The following MTUS2 variants were observed in gnomAD, a reference collection of about 807,000 sequenced individuals.
MTUS2 encodes the protein microtubule-associated tumor suppressor candidate 2.
A neutral mutation model predicts 114.1 loss-of-function variants in MTUS2; 40 were observed. The ratio of observed to expected loss-of-function variants is 0.35; its 90% CI spans 0.27 to 0.46. MTUS2 has a LOEUF of 0.46. Ranked by LOEUF, MTUS2 falls within the 20% of genes least tolerant of loss-of-function variation. MTUS2 has a pLI of 1.00. For synonymous variants in MTUS2, 688 were observed against 672.0 expected (o/e 1.02, Z -0.37); for missense variants, 1,679 against 1,705.4 (o/e 0.98, Z 0.27).
intron 8 of MTUS2, among the ~76,000 whole-genome samples, chr13:29,361,836 C>T (rs1870281808): frequency 6.6e-6 from 1 of 152,174 alleles, no homozygotes; most frequent in Non-Finnish European, 1.5e-5. Context: ...AAGGCCCTGC[C>T]AGAATTCCAT....
chr13:29,204,351 C>G (rs1276250544), intron 5 of MTUS2, among the ~76,000 whole-genome samples: 1 of 152,186 alleles, frequency 6.6e-6, no homozygotes, highest in African/African-American at 2.4e-5. Flanking sequence ...TCATGGTCAC[C>G]AGGCTGCGGA....
intron 2 of MTUS2, among the ~76,000 whole-genome samples, chr13:28,998,510 C>T (rs562982283): frequency 2.6e-4 from 39 of 152,290 alleles, no homozygotes; most frequent in African/African-American, 8.2e-4. Context: ...CCATTCTGCC[C>T]GTCACTTTCA....
intron 2 of MTUS2, among the ~76,000 whole-genome samples, chr13:28,919,345 A>G (rs3011030): frequency 6.6e-6 from 1 of 151,984 alleles, no homozygotes; most frequent in Non-Finnish European, 1.5e-5. Context: ...CAGATATACT[A>G]TTGTAGGGTA....
rs1886470309 is a variant in MTUS2, at chr13:29,025,294, C to G, written c.596C>G (p.Ser199Cys). 6.2e-7 allele frequency: 1 copy of G among 1,613,972 alleles called. No individual in the cohort carries two copies. Among genetic ancestry groups the G allele is most frequent in the African/African-American group, 1.3e-5 (1 of 75,030 alleles). ...SLTPQHPQPL[S>C]LDSREARGQI... Reference sequence around the variant, plus strand: ...ACTCCGCAGCATCCACAGCCTCTATCCCTCGACTCCCGGGAAGCACGGGGT... The same window carrying G: ...ACTCCGCAGCATCCACAGCCTCTATGCCTCGACTCCCGGGAAGCACGGGGT... The change falls in exon 3 of 16, where the codon TCC becomes TGC. Residue 199 changes from serine (S) to cysteine (C), a missense_variant. Transcript: ENST00000612955.
chr13:28,993,113 C>T (rs1165903488), intron 2 of MTUS2, among the ~76,000 whole-genome samples: 1 of 152,108 alleles, frequency 6.6e-6, no homozygotes, highest in Non-Finnish European at 1.5e-5. Flanking sequence ...ATGTATATAT[C>T]ACATTTGTTT....
chr13:29,281,660 A>AT, intron 5 of MTUS2, 44 bp from the exon 6 acceptor site: 2 of 1,539,920 alleles, frequency 1.3e-6, no homozygotes, highest in Non-Finnish European at 8.8e-7. Flanking sequence ...GGCTCCATCC[A>AT]TTTTTCATGA....
chr13:29,000,697 A>G (rs1309781711), intron 2 of MTUS2, among the ~76,000 whole-genome samples: 1 of 152,178 alleles, frequency 6.6e-6, no homozygotes, highest in African/African-American at 2.4e-5. Context: ...CTTTAAATAT[A>G]TCAGGTCCAT....
At chr13:29,446,339 C>G (rs555317789) in intron 9 of MTUS2, among the ~76,000 whole-genome samples, 1 of 152,184 alleles carries the variant, frequency 6.6e-6, no homozygotes. Context: ...TGACAGTACC[C>G]TATCCATTTC....
At chr13:29,135,252 A>G (rs1308088606) in intron 5 of MTUS2, among the ~76,000 whole-genome samples, 2 of 152,206 alleles carry the variant, frequency 1.3e-5, no homozygotes, top group Non-Finnish European at 2.9e-5. Context: ...ATAGGAATGT[A>G]TTCCCCACAA....
chr13:29,482,848 TTA>T (rs1420955680), intron 10 of MTUS2, among the ~76,000 whole-genome samples: 1 of 152,224 alleles, frequency 6.6e-6, no homozygotes, highest in African/African-American at 2.4e-5. Context: ...AGCCTGTGAA[TTA>T]TTCAGGCCCC....
intron 2 of MTUS2, among the ~76,000 whole-genome samples, chr13:28,948,389 C>T (rs1217989588): frequency 1.3e-5 from 2 of 152,126 alleles, no homozygotes; most frequent in African/African-American, 4.8e-5. Flanking sequence ...TTTATTGGTT[C>T]TGTATAAGAA....
intron 2 of MTUS2, among the ~76,000 whole-genome samples, chr13:28,974,293 A>G (rs1382493575): frequency 6.6e-6 from 1 of 152,208 alleles, no homozygotes; most frequent in Non-Finnish European, 1.5e-5. Context: ...TTAAAAATTA[A>G]TTTAATCTTG....
intron 2 of MTUS2, among the ~76,000 whole-genome samples, chr13:28,924,612 G>C (rs1452264228): frequency 1.3e-5 from 2 of 152,200 alleles, no homozygotes; most frequent in African/African-American, 2.4e-5. Context: ...CTGCCCCTCT[G>C]TGTGGATGAT....
At chr13:28,939,277 T>TTA (rs1360143723) in intron 2 of MTUS2, among the ~76,000 whole-genome samples, 2 of 152,188 alleles carry the variant, frequency 1.3e-5, no homozygotes, top group African/African-American at 4.8e-5. Context: ...AGCCAGTATC[T>TTA]TTACAGCCAC....
At chr13:29,064,794 C>T (rs1888588144) in intron 4 of MTUS2, among the ~76,000 whole-genome samples, 1 of 152,126 alleles carries the variant, frequency 6.6e-6, no homozygotes. Context: ...CCCTCACCCT[C>T]AGGCAGGCTC....
chr13:29,456,318 G>GA (rs915562382), intron 9 of MTUS2, among the ~76,000 whole-genome samples: 28 of 152,082 alleles, frequency 1.8e-4, no homozygotes, highest in African/African-American at 6.3e-4. Context: ...AGAACAGAGA[G>GA]AAAAAATGCT....
intron 5 of MTUS2, among the ~76,000 whole-genome samples, chr13:29,214,390 A>G (rs192326582): frequency 1.2e-4 from 18 of 152,286 alleles, no homozygotes; most frequent in African/African-American, 4.3e-4. Context: ...GTGTGAATTA[A>G]TCCTGTCATC....
intron 4 of MTUS2, among the ~76,000 whole-genome samples, chr13:29,068,278 G>T (rs139042997): frequency 0.011 from 1,736 of 152,262 alleles, 20 homozygotes; most frequent in Middle Eastern, 0.017. Context: ...TTTTCACTGT[G>T]CATTCAACAA....
intron 9 of MTUS2, among the ~76,000 whole-genome samples, chr13:29,458,481 A>C (rs1879267821): frequency 6.6e-6 from 1 of 152,166 alleles, no homozygotes; most frequent in Admixed American, 6.5e-5. Flanking sequence ...GCATGCCAGC[A>C]AAAGATTGTA....
Sources: allele counts gnomAD v4.1 joint callset (sites outside exome capture counted in the v4.1 genomes callset), GRCh38; gene constraint gnomAD v4.1.1; transcripts MANE v1.5; gene names NCBI Gene and HGNC (gene_info 2026-07-23, HGNC 2026-07-21).